RAPGEF6: variants seen among roughly 807,000 people sequenced by gnomAD.
The protein encoded by RAPGEF6 is Rap guanine nucleotide exchange factor 6, also known as PDZ domain containing guanine nucleotide exchange factor (GEF) 2.
Under a neutral mutation model 171.4 loss-of-function variants are expected in RAPGEF6, and 56 were observed. That is an observed-to-expected ratio of 0.33 (90% CI 0.26 to 0.41). The LOEUF (loss-of-function observed/expected upper bound fraction) is 0.41, where lower values mean the gene tolerates loss of function less well. RAPGEF6 is among the 10% of genes least tolerant of loss of function. The pLI, the probability that RAPGEF6 is intolerant of heterozygous loss-of-function variation, is 1.00. For synonymous variants in RAPGEF6, 692 were observed against 650.1 expected, an observed-to-expected ratio of 1.06 and a Z score of -0.98; for missense variants, 1,674 against 1,921.4, an observed-to-expected ratio of 0.87 and a Z score of 2.41.
intron 24 of RAPGEF6, chr5:131,436,441 A>G: frequency 3.0e-6 from 4 of 1,340,740 alleles, no homozygotes; most frequent in Non-Finnish European, 3.0e-6. Context: ...TGTTTACATA[A>G]TATTTCACTA....
intron 18 of RAPGEF6, chr5:131,463,658 AT>A: frequency 1.3e-6 from 1 of 794,518 alleles, no homozygotes; most frequent in Non-Finnish European, 1.5e-6. Context: ...TTCAGAACAC[AT>A]TTTAAAATTT....
intron 3 of RAPGEF6, among the ~76,000 whole-genome samples, chr5:131,600,704 G>A (rs1051818584): frequency 1.3e-5 from 2 of 151,958 alleles, no homozygotes; most frequent in Non-Finnish European, 2.9e-5. Context: ...AATTTAAAAT[G>A]ACTAATAAAT....
At chr5:131,585,046 T>C (rs1763164566) in intron 4 of RAPGEF6, among the ~76,000 whole-genome samples, 1 of 152,052 alleles carries the variant, frequency 6.6e-6, no homozygotes, top group African/African-American at 2.4e-5. Flanking sequence ...CATAAGGGCA[T>C]AAGGAAAAGT....
At chr5:131,437,621 A>G (rs974974669) in intron 24 of RAPGEF6, among the ~76,000 whole-genome samples, 1 of 152,276 alleles carries the variant, frequency 6.6e-6, no homozygotes, top group Non-Finnish European at 1.5e-5. Flanking sequence ...TGTGCCACAC[A>G]AAATTACATA....
intron 27 of RAPGEF6, 121 bp downstream of exon 27, chr5:131,428,781 T>C: frequency 1.8e-6 from 2 of 1,134,576 alleles, no homozygotes; most frequent in Non-Finnish European, 2.5e-6. Flanking sequence ...TTCTTACTTT[T>C]TAACAGAGAT....
chr5:131,436,354 C>T, intron 24 of RAPGEF6: 1 of 1,537,604 alleles, frequency 6.5e-7, no homozygotes, highest in Non-Finnish European at 8.7e-7. Flanking sequence ...ACTGATCTTG[C>T]TGCTGTGATC....
At chr5:131,502,134 G>C (rs1757062504) in intron 11 of RAPGEF6, among the ~76,000 whole-genome samples, 1 of 152,016 alleles carries the variant, frequency 6.6e-6, no homozygotes, top group Non-Finnish European at 1.5e-5. Context: ...GACAATTTGA[G>C]GATCAGAATA....
intron 7 of RAPGEF6, among the ~76,000 whole-genome samples, chr5:131,520,858 T>G (rs1758430309): frequency 6.6e-6 from 1 of 152,172 alleles, no homozygotes. Flanking sequence ...CTCCCCAATA[T>G]TACAATGATC....
intron 6 of RAPGEF6, among the ~76,000 whole-genome samples, chr5:131,528,082 T>A (rs557755691): frequency 3.1e-5 from 2 of 64,212 alleles, no homozygotes; most frequent in African/African-American, 9.7e-5. Flanking sequence ...ATAATTTATA[T>A]TATATGTAAT....
At chr5:131,452,284 A>T (rs962261361) in intron 21 of RAPGEF6, among the ~76,000 whole-genome samples, 3 of 152,166 alleles carry the variant, frequency 2.0e-5, no homozygotes, top group Non-Finnish European at 4.4e-5. Context: ...ATGTAAGCTG[A>T]GGAAGCCTTT....
chr5:131,547,209 TG>T (rs1760606772), intron 6 of RAPGEF6, among the ~76,000 whole-genome samples: 1 of 152,216 alleles, frequency 6.6e-6, no homozygotes, highest in South Asian at 2.1e-4. Context: ...ACACCTAACA[TG>T]GAATGAATAA....
At chr5:131,477,017 A>G (rs1281225540) in intron 16 of RAPGEF6, among the ~76,000 whole-genome samples, 1 of 152,214 alleles carries the variant, frequency 6.6e-6, no homozygotes, top group African/African-American at 2.4e-5. Flanking sequence ...AATATAGATC[A>G]TCTGAGTCAT....
intron 4 of RAPGEF6, among the ~76,000 whole-genome samples, chr5:131,580,230 G>A (rs529604414): frequency 9.2e-4 from 140 of 152,292 alleles, no homozygotes; most frequent in African/African-American, 3.2e-3. Context: ...TGGGCAGGCC[G>A]GCAGTGCTGG....
chr5:131,484,778 A>T (rs1755760921), intron 15 of RAPGEF6, among the ~76,000 whole-genome samples: 1 of 152,250 alleles, frequency 6.6e-6, no homozygotes, highest in Non-Finnish European at 1.5e-5. Context: ...AAAATTATAT[A>T]ACAAGTAGGT....
At chr5:131,546,117 CA>C (rs1039917611) in intron 6 of RAPGEF6, among the ~76,000 whole-genome samples, 2 of 151,804 alleles carry the variant, frequency 1.3e-5, no homozygotes, top group Non-Finnish European at 2.9e-5. Context: ...GACAGGACAC[CA>C]AAAAAATCTG....
At chr5:131,602,545 G>A (rs1764320500) in intron 3 of RAPGEF6, among the ~76,000 whole-genome samples, 1 of 152,172 alleles carries the variant, frequency 6.6e-6, no homozygotes, top group African/African-American at 2.4e-5. Context: ...TGGATCACCT[G>A]AGGTCAGAAG....
At chr5:131,558,429 A>T (rs1487463384) in intron 5 of RAPGEF6, among the ~76,000 whole-genome samples, 2 of 152,180 alleles carry the variant, frequency 1.3e-5, no homozygotes, top group Admixed American at 1.3e-4. Context: ...TCTGAGACTC[A>T]ACCTTGTCCT....
At chr5:131,496,489 C>T (rs979321635) in intron 12 of RAPGEF6, among the ~76,000 whole-genome samples, 2 of 152,148 alleles carry the variant, frequency 1.3e-5, no homozygotes, top group Admixed American at 6.5e-5. Flanking sequence ...CAAAAGTAAA[C>T]CTCAAACTCA....
intron 4 of RAPGEF6, among the ~76,000 whole-genome samples, chr5:131,575,797 C>T (rs1353901009): frequency 6.6e-6 from 1 of 152,172 alleles, no homozygotes; most frequent in Non-Finnish European, 1.5e-5. Context: ...TCGGAGTTCT[C>T]TTACACAGGA....
Sources: allele counts gnomAD v4.1 joint callset (sites outside exome capture counted in the v4.1 genomes callset), GRCh38; gene constraint gnomAD v4.1.1; transcripts MANE v1.5; gene names NCBI Gene and HGNC (gene_info 2026-07-23, HGNC 2026-07-21).